MRC2: variants seen among roughly 807,000 people sequenced by gnomAD.
MRC2 encodes mannose receptor C-type 2.
In MRC2, 84 loss-of-function variants were observed where a neutral mutation model predicts 206.2. That is an observed-to-expected ratio of 0.41 (90% CI 0.34 to 0.49). The LOEUF (loss-of-function observed/expected upper bound fraction) is 0.49. Among genes scored for constraint, MRC2 ranks in the 20% least tolerant of loss-of-function variants. The probability of loss-of-function intolerance (pLI) is 0.31; values close to 1 mark genes in which losing one functional copy is unlikely to be tolerated. For synonymous variants in MRC2, 798 were observed against 800.0 expected (o/e 1.00, Z 0.04); for missense variants, 1,676 against 2,001.5 (o/e 0.84, Z 3.10).
At chr17:62,662,863 C>T (rs901107235) in intron 1 of MRC2, among the ~76,000 whole-genome samples, 26 of 151,984 alleles carry the variant, frequency 1.7e-4, no homozygotes, top group African/African-American at 5.6e-4. Flanking sequence ...GAGCCGAGAT[C>T]GAGCCATTGC....
chr17:62,660,468 T>C (rs2088667260), intron 1 of MRC2, among the ~76,000 whole-genome samples: 1 of 152,208 alleles, frequency 6.6e-6, no homozygotes, highest in Admixed American at 6.5e-5. Flanking sequence ...TGCTATCTGG[T>C]GCTGAGGAAA....
Position 62,680,790 on chromosome 17 carries a change from G to C in MRC2, c.2474-10G>C. On this transcript the variant is annotated splice_polypyrimidine_tract_variant and intron_variant, in intron 16 of 29. Coordinates refer to ENST00000303375, the MANE Select transcript of MRC2 (RefSeq NM_006039.5). This position sits in a 1 kb window ranked among gnomAD's most constrained non-coding sequence, Gnocchi z 4.8. ...TGGCCGCCGCTCCCACGCCCGCGCT[G>C]CTCCTGCAGGCCGACGGGAATGGCT... The C allele has an allele frequency of 6.2e-7, 1 of 1,603,290 alleles. No homozygotes were observed. The highest frequency in any genetic ancestry group is 1.7e-5 in the Admixed American group (1 of 59,284).
intron 1 of MRC2, among the ~76,000 whole-genome samples, chr17:62,651,490 C>G (rs2088555446): frequency 6.6e-6 from 1 of 152,198 alleles, no homozygotes; most frequent in South Asian, 2.1e-4. Context: ...GTGAAAACCT[C>G]CAGTGCAGGT....
intron 13 of MRC2, 58 bp from the exon 14 acceptor site, chr17:62,679,742 G>T (rs2088937052): frequency 7.1e-6 from 11 of 1,544,376 alleles, no homozygotes; most frequent in Middle Eastern, 1.7e-4. Context: ...GGCACGTTTG[G>T]GTTCCTGCCC....
intron 19 of MRC2, 146 bp downstream of exon 19, chr17:62,682,083 C>A: frequency 9.2e-7 from 1 of 1,087,412 alleles, no homozygotes; most frequent in Non-Finnish European, 1.3e-6. Flanking sequence ...GTGGACCTGT[C>A]TCCATGGTCC....
At chr17:62,633,840 C>CAAAAAAAAAAA (rs571793821) in intron 1 of MRC2, among the ~76,000 whole-genome samples, 8 of 33,918 alleles carry the variant, frequency 2.4e-4, no homozygotes, top group Admixed American at 6.4e-4. Context: ...GACCCTGTCT[C>CAAAAAAAAAAA]AAAAAAAAAA....
chr17:62,645,527 A>ATATTT (rs1555675934), intron 1 of MRC2, among the ~76,000 whole-genome samples: 8 of 39,544 alleles, frequency 2.0e-4, no homozygotes, highest in Non-Finnish European at 2.8e-4. Flanking sequence ...ATATATATAT[A>ATATTT]TTTTTTTTTT....
At chr17:62,673,932 G>C (rs1568064868) in intron 8 of MRC2, 131 bp from the exon 9 acceptor site, 1 of 723,716 alleles carries the variant, frequency 1.4e-6, no homozygotes, top group Non-Finnish European at 2.3e-6. Context: ...TTGCACAGCT[G>C]GGACACAGAC....
Position 62,680,139 on chromosome 17 carries a change from C to G in MRC2, c.2299-31C>G, listed in dbSNP as rs925078351. 1 of 1,613,538 alleles carries G rather than the reference C, an allele frequency of 6.2e-7. No homozygotes were observed. Among genetic ancestry groups the G allele is most frequent in the Non-Finnish European group, 8.5e-7 (1 of 1,179,732 alleles). On this transcript the variant is annotated intron_variant, in intron 14 of 29. Transcript: ENST00000303375. The surrounding 1 kb of genome is among the most constrained non-coding windows in gnomAD (Gnocchi z 4.8). ...GGGGCGGCCTGCACCTTGCGCCTCA[C>G]GTTCCTCTTCCCTCCACCCGCCTCC...
At chr17:62,691,181 C>G in intron 28 of MRC2, 53 bp downstream of exon 28, 1 of 1,532,868 alleles carries the variant, frequency 6.5e-7, no homozygotes, top group Non-Finnish European at 8.7e-7. Flanking sequence ...TGCCGCTGGT[C>G]CTGGGCTGGG....
At position 62,671,596 on chromosome 17, in the gene MRC2, T is replaced by C. The variant is rs1340104292; in HGVS notation, c.1118-53T>C. 2 of 1,499,302 alleles carry C rather than the reference T, an allele frequency of 1.3e-6. No homozygotes were observed. Among genetic ancestry groups the C allele is most frequent in the East Asian group, 4.6e-5 (2 of 43,584 alleles). The allele number at this position is 1,499,302 out of a possible 1,614,324, so 92.9% of individuals were successfully genotyped here. A position where few individuals can be genotyped will look rare whatever the true frequency, so the allele number is the denominator to read the frequency against. Reference sequence around the variant, plus strand: ...TGTTGACGTCAACCCAGTGGGTTGGTTCCCAGACTGGGCGGCTCAGTCCCT... The same window carrying C: ...TGTTGACGTCAACCCAGTGGGTTGGCTCCCAGACTGGGCGGCTCAGTCCCT... On this transcript the variant is annotated intron_variant, in intron 6 of 29. Transcript: ENST00000303375. This position sits in a 1 kb window ranked among gnomAD's most constrained non-coding sequence, Gnocchi z 4.5.
At position 62,672,115 on chromosome 17, in the gene MRC2, G is replaced by C. The variant is rs765124439; in HGVS notation, c.1424G>C (p.Arg475Pro). Residue 475 changes from arginine (R) to proline (P), a missense_variant, in exon 8 of 30, where the codon CGG becomes CCG. Around this residue, in one of 3 missense-constraint regions of MRC2, gnomAD observed 1,354 missense variants for 1,636.6 expected, o/e 0.83. Coordinates refer to ENST00000303375, the MANE Select transcript of MRC2 (RefSeq NM_006039.5). The surrounding 1 kb of genome is among the most constrained non-coding windows in gnomAD (Gnocchi z 4.5). ...CACCCCTTTGAGCCCAACAACTTCC[G>C]GGACAGTCTGGAGGACTGTGTCACC... ...HWHPFEPNNF[R>P]DSLEDCVTIW... 1 of 1,614,034 alleles carries C rather than the reference G, an allele frequency of 6.2e-7. No homozygotes were observed. Among genetic ancestry groups the C allele is most frequent in the South Asian group, 1.1e-5 (1 of 91,076 alleles).
Position 62,692,907 on chromosome 17 carries a change from T to C in MRC2, c.*456T>C. ...CTCAGCTCTGTGCCCCTCACCCTGCTCCCTCTCGCCCCTTCTCTCCCACCC... is the reference window on the plus strand; with the variant it reads ...CTCAGCTCTGTGCCCCTCACCCTGCCCCCTCTCGCCCCTTCTCTCCCACCC... On this transcript the variant is annotated 3_prime_UTR_variant, in exon 30 of 30. Coordinates refer to ENST00000303375, the MANE Select transcript of MRC2 (RefSeq NM_006039.5). This position sits in a 1 kb window ranked among gnomAD's most constrained non-coding sequence, Gnocchi z 4.2. 6.1e-6 allele frequency: 1 copy of C among 163,798 alleles called. No homozygotes were observed. The allele number at this position is 163,798 out of a possible 1,614,324, so 10.1% of individuals were successfully genotyped here.
At chr17:62,678,404 G>A in intron 12 of MRC2, 100 bp from the exon 13 acceptor site, 3 of 1,492,632 alleles carry the variant, frequency 2.0e-6, no homozygotes, top group Non-Finnish European at 2.7e-6. Context: ...GTCCAGTAAG[G>A]CTCCAGGCCC....
intron 1 of MRC2, among the ~76,000 whole-genome samples, chr17:62,649,452 A>G (rs974756877): frequency 6.6e-6 from 1 of 152,116 alleles, no homozygotes; most frequent in Non-Finnish European, 1.5e-5. Flanking sequence ...TTAGCGAGGC[A>G]TGGTGGTGGG....
intron 1 of MRC2, among the ~76,000 whole-genome samples, chr17:62,633,577 A>G (rs2088273152): frequency 6.6e-6 from 1 of 150,850 alleles, no homozygotes; most frequent in Non-Finnish European, 1.5e-5. Context: ...TCTTCAATAT[A>G]CAAAATCCTG....
rs920498532 is a variant in MRC2 at position 62,674,651 on chromosome 17, CCTT to C, written c.1569+482_1569+484del. Among the ~76,000 whole-genome samples the C allele has an allele frequency of 1.2e-3, 178 of 152,192 alleles. 1 individual carries two copies. The Middle Eastern group carries it at 0.024, about 20-fold the overall frequency. The stretch of plus-strand genomic sequence containing the variant: ...CAGGGTGGGGCTGCACCTTCCCCCT[CCTT>C]GTGTTCCCAGCCCCAGTGGGCTTCT... On this transcript the variant is annotated intron_variant, in intron 9 of 29. Transcript: ENST00000303375.
At chr17:62,687,580 G>C (rs2089047329) in intron 20 of MRC2, among the ~76,000 whole-genome samples, 1 of 152,174 alleles carries the variant, frequency 6.6e-6, no homozygotes, top group Non-Finnish European at 1.5e-5. Flanking sequence ...TTGTTTGTTT[G>C]TTTGGAAACC....
rs1434484505 is a variant in MRC2, at chr17:62,649,897, A to AT, written c.119-14643dup. On this transcript the variant is annotated intron_variant, in intron 1 of 29. Transcript: ENST00000303375. ...TTCTTGTCATTCTTTTTTTTTTTTA[A>AT]TTTTTTTTAAAATTTTTTTGAGACA... Among the ~76,000 whole-genome samples, 5 of 135,292 alleles carry AT rather than the reference A, an allele frequency of 3.7e-5. No individual in the cohort carries two copies. The East Asian group carries it at 8.6e-4, about 23-fold the overall frequency. The allele number at this position is 135,292 out of a possible 152,430, so 88.8% of individuals were successfully genotyped here.
Sources: gnomAD v4.1 joint callset for allele counts (sites outside exome capture counted in the v4.1 genomes callset) on GRCh38, gnomAD v4.1.1 for gene constraint, gnomAD v4.1.1 regional missense constraint, Gnocchi (gnomAD v3.1) non-coding constraint, MANE v1.5 for transcripts, NCBI Gene and HGNC (gene_info 2026-07-23, HGNC 2026-07-21) for gene names.